The following ARHGAP6 variants were observed in gnomAD, a reference collection of about 807,000 sequenced individuals.
ARHGAP6 encodes the protein Rho GTPase activating protein 6, also known as rho GTPase-activating protein 6.
A neutral mutation model predicts 55.7 loss-of-function variants in ARHGAP6; 16 were observed. The observed-to-expected ratio is 0.29, with a 90% CI of 0.19 to 0.44. The LOEUF (loss-of-function observed/expected upper bound fraction) is 0.44, where lower values mean the gene tolerates loss of function less well. Among genes scored for constraint, ARHGAP6 ranks in the 20% least tolerant of loss-of-function variants. The pLI is 1.00. For synonymous variants in ARHGAP6, 382 were observed against 360.9 expected (o/e 1.06, Z -0.66); for missense variants, 698 against 808.9 (o/e 0.86, Z 1.66).
chrX:11,169,709 CTGT>C lies in ARHGAP6; in HGVS notation c.1630-28_1630-26del, dbSNP rs749707496. 8 of 1,095,742 alleles carry C rather than the reference CTGT, an allele frequency of 7.3e-6. No homozygotes were observed. The South Asian group carries it at 2.0e-4, about 27-fold the overall frequency. The allele number at this position is 1,095,742 out of a possible 1,213,427, so 90.3% of individuals were successfully genotyped here. A position where few individuals can be genotyped will look rare whatever the true frequency, so the allele number is the denominator to read the frequency against. ...CCTATAAGAGAACAGAACACAAGGA[CTGT>C]TGTTATGTTTGCCTTTCAAGATACT... On this transcript the variant is annotated intron_variant, in intron 8 of 12. Coordinates refer to ENST00000337414, the MANE Select transcript of ARHGAP6 (RefSeq NM_013427.3).
chrX:11,330,855 C>T (rs1287819557), intron 1 of ARHGAP6, among the ~76,000 whole-genome samples: 1 of 112,110 alleles, frequency 8.9e-6, no homozygotes, highest in Non-Finnish European at 1.9e-5. Flanking sequence ...CCCTCTCTTC[C>T]TTTCCTCTCT....
intron 1 of ARHGAP6, among the ~76,000 whole-genome samples, chrX:11,557,976 C>T (rs1228856743): frequency 9.0e-6 from 1 of 111,725 alleles, no homozygotes; most frequent in African/African-American, 3.3e-5. Context: ...AGTAGACCTA[C>T]CACAATGCAT....
At chrX:11,186,712 A>G (rs1007591799) in intron 4 of ARHGAP6, among the ~76,000 whole-genome samples, 5 of 112,296 alleles carry the variant, frequency 4.5e-5, no homozygotes, top group Non-Finnish European at 9.4e-5. Flanking sequence ...GAAACATATA[A>G]TTAAAGTATT....
chrX:11,293,610 A>C (rs2048031220), intron 1 of ARHGAP6: 1 of 112,138 alleles, frequency 8.9e-6, no homozygotes, highest in Non-Finnish European at 1.9e-5. Context: ...GCCCATAATT[A>C]AATTAGACTC....
chrX:11,459,512 G>A (rs865944823), intron 1 of ARHGAP6, among the ~76,000 whole-genome samples: 1 of 111,518 alleles, frequency 9.0e-6, no homozygotes, highest in African/African-American at 3.3e-5. Context: ...AGAAATATCT[G>A]GACTATCAAG....
intron 1 of ARHGAP6, among the ~76,000 whole-genome samples, chrX:11,520,245 T>C (rs1246995544): frequency 3.3e-5 from 3 of 91,639 alleles, no homozygotes. Context: ...ATGTGCCATG[T>C]TGGTGTGCTG....
At chrX:11,601,971 G>C (rs971208939) in intron 1 of ARHGAP6, among the ~76,000 whole-genome samples, 1 of 111,699 alleles carries the variant, frequency 9.0e-6, no homozygotes, top group African/African-American at 3.3e-5. Flanking sequence ...CTACAGTGCA[G>C]TTTTGCTAGT....
intron 1 of ARHGAP6, chrX:11,334,518 A>C (rs758237002): frequency 8.7e-6 from 1 of 114,574 alleles, no homozygotes; most frequent in African/African-American, 3.2e-5. Flanking sequence ...ATTTTCACAA[A>C]CCCAGGCTGT....
At chrX:11,212,705 A>G (rs5934977) in intron 2 of ARHGAP6, among the ~76,000 whole-genome samples, 2,570 of 112,512 alleles carry the variant, frequency 0.023, 29 homozygotes, top group Middle Eastern at 0.07. Flanking sequence ...AGGTCATGCT[A>G]ATAAAGTGTC....
chrX:11,342,887 C>G (rs998816251), intron 1 of ARHGAP6, among the ~76,000 whole-genome samples: 5 of 112,468 alleles, frequency 4.4e-5, no homozygotes, highest in African/African-American at 1.6e-4. Context: ...CACCATGTCA[C>G]TGCTCTCTGT....
chrX:11,647,837 C>T (rs1180819760), intron 1 of ARHGAP6, among the ~76,000 whole-genome samples: 1 of 111,779 alleles, frequency 8.9e-6, no homozygotes, highest in Non-Finnish European at 1.9e-5. Flanking sequence ...AAACTGAAAC[C>T]GAGGGACATT....
At chrX:11,366,280 A>G (rs996573117) in intron 1 of ARHGAP6, among the ~76,000 whole-genome samples, 5 of 112,501 alleles carry the variant, frequency 4.4e-5, no homozygotes, top group African/African-American at 1.6e-4. Flanking sequence ...GGCAACTATG[A>G]CATCATGGGC....
chrX:11,203,912 C>T (rs1460091813), intron 2 of ARHGAP6, among the ~76,000 whole-genome samples: 1 of 111,881 alleles, frequency 8.9e-6, no homozygotes, highest in East Asian at 2.8e-4. Flanking sequence ...CCCTACCTTC[C>T]TTCTGTTCTT....
intron 2 of ARHGAP6, among the ~76,000 whole-genome samples, chrX:11,208,313 AATGTCATCCTGGCATAG>A (rs1276972848): frequency 9.0e-6 from 1 of 110,743 alleles, no homozygotes; most frequent in Non-Finnish European, 1.9e-5. Context: ...AACGTAAAAA[AATGTCATCCTGGCATAG>A]TGACTTCGAC....
chrX:11,429,755 A>C (rs2049923789), intron 1 of ARHGAP6, among the ~76,000 whole-genome samples: 2 of 111,768 alleles, frequency 1.8e-5, no homozygotes, highest in South Asian at 7.5e-4. Context: ...GACACACTAA[A>C]GTTCCCTCTT....
intron 1 of ARHGAP6, among the ~76,000 whole-genome samples, chrX:11,548,054 T>C (rs1476119383): frequency 9.0e-6 from 1 of 111,547 alleles, no homozygotes; most frequent in East Asian, 2.8e-4. Context: ...TACTGATGAC[T>C]GGGGACCACC....
At chrX:11,326,111 TTTTC>T (rs1237751603) in intron 1 of ARHGAP6, among the ~76,000 whole-genome samples, 2 of 92,213 alleles carry the variant, frequency 2.2e-5, no homozygotes, top group African/African-American at 7.9e-5. Context: ...GAATTTTTCT[TTTTC>T]TTTCTTTCTT....
At chrX:11,243,627 C>T (rs2047314357) in intron 2 of ARHGAP6, among the ~76,000 whole-genome samples, 1 of 112,097 alleles carries the variant, frequency 8.9e-6, no homozygotes, top group African/African-American at 3.2e-5. Flanking sequence ...AGGAACTCAT[C>T]TCACCTTGAA....
intron 1 of ARHGAP6, among the ~76,000 whole-genome samples, chrX:11,609,983 G>T (rs749916661): frequency 3.6e-5 from 4 of 111,318 alleles, no homozygotes; most frequent in Admixed American, 1.9e-4. Context: ...TTGCTAAATT[G>T]TTGGTATGAT....
Sources: allele counts gnomAD v4.1 joint callset (sites outside exome capture counted in the v4.1 genomes callset), GRCh38; gene constraint gnomAD v4.1.1; transcripts MANE v1.5; gene names NCBI Gene and HGNC (gene_info 2026-07-23, HGNC 2026-07-21).